GPR176: variants seen among roughly 807,000 people sequenced by gnomAD.
GPR176 encodes G-protein coupled receptor 176.
A neutral mutation model predicts 35.4 loss-of-function variants in GPR176; 26 were observed. The ratio of observed to expected loss-of-function variants is 0.74; its 90% CI spans 0.54 to 1.02. The LOEUF is 1.02. Ranked by LOEUF, GPR176 falls within the 50% of genes least tolerant of loss-of-function variation. The pLI is 0.00. For synonymous variants in GPR176, 278 were observed against 271.3 expected, an observed-to-expected ratio of 1.02 and a Z score of -0.24; for missense variants, 597 against 665.3, an observed-to-expected ratio of 0.90 and a Z score of 1.13.
chr15:39,871,993 G>A (rs917323496), intron 1 of GPR176, among the ~76,000 whole-genome samples: 4 of 152,152 alleles, frequency 2.6e-5, no homozygotes, highest in African/African-American at 4.8e-5. Flanking sequence ...GGGATAATGA[G>A]GCCAATTTTA....
chr15:39,837,024 C>T (rs1045754309), intron 1 of GPR176, among the ~76,000 whole-genome samples: 1 of 152,108 alleles, frequency 6.6e-6, no homozygotes, highest in Non-Finnish European at 1.5e-5. Flanking sequence ...GAGGTAAAGT[C>T]AATTCTTTAA....
chr15:39,850,973 A>T (rs547265841), intron 1 of GPR176, among the ~76,000 whole-genome samples: 115 of 152,162 alleles, frequency 7.6e-4, no homozygotes, highest in Non-Finnish European at 1.4e-3. Context: ...AAAAAAGAAG[A>T]AGTAGATACG....
intron 1 of GPR176, among the ~76,000 whole-genome samples, chr15:39,861,478 G>A (rs1472382302): frequency 2.6e-5 from 4 of 151,958 alleles, no homozygotes; most frequent in Non-Finnish European, 5.9e-5. Flanking sequence ...GAACCCAGGA[G>A]GCAGAGGTTG....
At position 39,907,204 on chromosome 15, in the gene GPR176, T is replaced by C. The variant is rs139078654; in HGVS notation, c.172+12651A>G. 7.2e-3 allele frequency among the ~76,000 whole-genome samples: 1,091 copies of C among 152,302 alleles called. 8 individuals carry two copies. The highest frequency in any genetic ancestry group is 0.025 in the African/African-American group (1,039 of 41,556). ...TTAAGCTTGATGAGTTAAAGAAACA[T>C]AAAAATAGTTTAGAGGCTGTTCAGG... On this transcript the variant is annotated intron_variant, in intron 1 of 2. Transcript: ENST00000561100.
chr15:39,850,798 GTTTAA>G (rs1420681772), intron 1 of GPR176, among the ~76,000 whole-genome samples: 1 of 151,976 alleles, frequency 6.6e-6, no homozygotes, highest in Admixed American at 6.6e-5. Context: ...AAAATAAAAT[GTTTAA>G]TTTAAAAATA....
chr15:39,892,005 T>G (rs2032891333), intron 1 of GPR176, among the ~76,000 whole-genome samples: 1 of 152,210 alleles, frequency 6.6e-6, no homozygotes, highest in African/African-American at 2.4e-5. Context: ...GTAAAGCCAT[T>G]ATTTACTTTT....
intron 2 of GPR176, among the ~76,000 whole-genome samples, chr15:39,802,510 G>C (rs902743733): frequency 1.3e-5 from 2 of 152,170 alleles, no homozygotes; most frequent in African/African-American, 4.8e-5. Flanking sequence ...GGCTTTACAG[G>C]AAAACAAGTA....
At chr15:39,899,172 C>T (rs2033203805) in intron 1 of GPR176, among the ~76,000 whole-genome samples, 1 of 152,192 alleles carries the variant, frequency 6.6e-6, no homozygotes. Context: ...TACCTTACCT[C>T]CATTGTGTAG....
intron 1 of GPR176, among the ~76,000 whole-genome samples, chr15:39,861,318 G>A (rs1056249520): frequency 3.9e-5 from 6 of 152,124 alleles, no homozygotes; most frequent in East Asian, 1.9e-4. Flanking sequence ...TTGGGAGGCC[G>A]AGGCTGGCAG....
chr15:39,837,940 GC>G lies in GPR176; in HGVS notation c.173-30683del, dbSNP rs568667653. Among the ~76,000 whole-genome samples, 278 of 149,166 alleles carry G rather than the reference GC, an allele frequency of 1.9e-3. 4 individuals are homozygous for G. Among genetic ancestry groups the G allele is most frequent in the Admixed American group, 0.014 (203 of 14,752 alleles). On this transcript the variant is annotated intron_variant, in intron 1 of 2. Coordinates refer to ENST00000561100, the MANE Select transcript of GPR176 (RefSeq NM_007223.3). ...GGCTGAGGGAGGAGGATAGTTTGAG[GC>G]CAGTAGTTCAAGACCAGCCTGGCAA...
At chr15:39,811,847 C>G (rs542112104) in intron 1 of GPR176, among the ~76,000 whole-genome samples, 1 of 150,376 alleles carries the variant, frequency 6.6e-6, no homozygotes, top group Admixed American at 6.7e-5. Flanking sequence ...ACCTGGGAGG[C>G]GGAGCTTGCA....
chr15:39,885,138 C>T (rs957954922), intron 1 of GPR176, among the ~76,000 whole-genome samples: 2 of 152,102 alleles, frequency 1.3e-5, no homozygotes, highest in African/African-American at 4.8e-5. Context: ...CCATATTTCC[C>T]CAAAAGGATT....
Position 39,802,201 on chromosome 15 carries a change from C to T in GPR176, c.479G>A (p.Arg160His), listed in dbSNP as rs760625800. The change falls in exon 3 of 3, where the codon CGT becomes CAT. Residue 160 changes from arginine to histidine, a missense_variant. This residue lies in a region of GPR176 where 220 missense variants were observed against 297.6 expected (regional missense o/e 0.74). Transcript: ENST00000561100. ...GGCCCAGATGTACATCACCAGTTCA[C>T]GGGACTTGGCATCAGATATTTTCCT... ...LERKISDAKS[R>H]ELVMYIWAHA... The T allele has an allele frequency of 3.1e-6, 5 of 1,613,512 alleles. No individual in the cohort carries two copies. Among genetic ancestry groups the T allele is most frequent in the African/African-American group, 1.3e-5 (1 of 74,926 alleles).
chr15:39,893,963 C>A (rs2032985761), intron 1 of GPR176, among the ~76,000 whole-genome samples: 1 of 124,648 alleles, frequency 8.0e-6, no homozygotes, highest in East Asian at 2.8e-4. Context: ...GGGGGGCTGA[C>A]CCCCCCACCT....
intron 1 of GPR176, among the ~76,000 whole-genome samples, chr15:39,866,130 A>T (rs1158741975): frequency 6.6e-6 from 1 of 152,152 alleles, no homozygotes; most frequent in African/African-American, 2.4e-5. Context: ...TTTTTGTATA[A>T]GAAAAAGTGG....
intron 1 of GPR176, among the ~76,000 whole-genome samples, chr15:39,882,644 T>C (rs1429227246): frequency 6.6e-6 from 1 of 152,246 alleles, no homozygotes; most frequent in Non-Finnish European, 1.5e-5. Flanking sequence ...AAACACCCAC[T>C]TCTTTATTCA....
chr15:39,844,911 T>C (rs1183622030), intron 1 of GPR176, among the ~76,000 whole-genome samples: 17 of 152,224 alleles, frequency 1.1e-4, no homozygotes, highest in Admixed American at 1.0e-3. Flanking sequence ...TGTAGGACTT[T>C]CAAGGATGAA....
At chr15:39,816,167 G>T (rs1040297460) in intron 1 of GPR176, among the ~76,000 whole-genome samples, 2 of 152,154 alleles carry the variant, frequency 1.3e-5, no homozygotes, top group Non-Finnish European at 2.9e-5. Flanking sequence ...CTGGTCAAAG[G>T]ACACAAACTT....
chr15:39,840,778 G>GA (rs1202247928), intron 1 of GPR176, among the ~76,000 whole-genome samples: 1 of 151,868 alleles, frequency 6.6e-6, no homozygotes, highest in Non-Finnish European at 1.5e-5. Flanking sequence ...TAAAACCACA[G>GA]AAAAAAATTT....
Sources: allele counts gnomAD v4.1 joint callset (sites outside exome capture counted in the v4.1 genomes callset), GRCh38; gene constraint gnomAD v4.1.1; regional missense constraint gnomAD v4.1.1; transcripts MANE v1.5; gene names NCBI Gene and HGNC (gene_info 2026-07-23, HGNC 2026-07-21).